The following TECR variants were observed in gnomAD, a reference collection of about 807,000 sequenced individuals.
TECR encodes the protein trans-2,3-enoyl-CoA reductase.
TECR carries 19 observed loss-of-function variants against 50.6 expected under a neutral mutation model. The observed-to-expected ratio is 0.38, with a 90% confidence interval of 0.26 to 0.55. The LOEUF (loss-of-function observed/expected upper bound fraction) is 0.55. TECR is among the 20% of genes least tolerant of loss of function. The pLI, the probability that TECR is intolerant of heterozygous loss-of-function variation, is 0.79. For missense variants in TECR, 313 were observed against 408.3 expected (o/e 0.77, Z 2.01); for synonymous variants, 168 against 163.5 (o/e 1.03, Z -0.21).
chr19:14,540,091 G>T (rs1296750132), intron 1 of TECR, among the ~76,000 whole-genome samples: 3 of 146,430 alleles, frequency 2.0e-5, no homozygotes, highest in African/African-American at 7.6e-5. Context: ...ACGGAGTCTC[G>T]CTCTGTCGCC....
At chr19:14,544,783 C>A (rs1428752683) in intron 1 of TECR, among the ~76,000 whole-genome samples, 1 of 151,964 alleles carries the variant, frequency 6.6e-6, no homozygotes, top group East Asian at 1.9e-4. Context: ...CAGGTGCATG[C>A]CATCACGCCC....
At chr19:14,562,404 G>C in intron 1 of TECR, 121 bp from the exon 2 acceptor site, 2 of 1,057,566 alleles carry the variant, frequency 1.9e-6, no homozygotes, top group Non-Finnish European at 2.9e-6. Context: ...GCATGGACTT[G>C]AACTTGAGCT....
At chr19:14,553,795 G>C (rs1290647158) in intron 1 of TECR, among the ~76,000 whole-genome samples, 1 of 152,160 alleles carries the variant, frequency 6.6e-6, no homozygotes, top group East Asian at 1.9e-4. Flanking sequence ...TGGCTGGACA[G>C]GGAGCTCAGG....
intron 1 of TECR, among the ~76,000 whole-genome samples, chr19:14,538,531 T>C (rs1014015432): frequency 2.2e-5 from 2 of 91,310 alleles, no homozygotes; most frequent in Non-Finnish European, 2.2e-5. Context: ...AAAACTCTTT[T>C]TTTTCTTTTT....
At chr19:14,549,413 A>G (rs1162551015) in intron 1 of TECR, among the ~76,000 whole-genome samples, 1 of 151,844 alleles carries the variant, frequency 6.6e-6, no homozygotes, top group Non-Finnish European at 1.5e-5. Context: ...GGGTTTCACC[A>G]TATTGGCCAG....
chr19:14,537,806 G>A (rs2072957173), intron 1 of TECR, among the ~76,000 whole-genome samples: 1 of 148,178 alleles, frequency 6.7e-6, no homozygotes, highest in South Asian at 2.2e-4. Flanking sequence ...GGGTGCAATG[G>A]CGTGATCTCG....
chr19:14,540,723 T>C (rs1262605863), intron 1 of TECR, among the ~76,000 whole-genome samples: 1 of 152,120 alleles, frequency 6.6e-6, no homozygotes, highest in East Asian at 1.9e-4. Context: ...GAGGCAAGGT[T>C]TCACCATGTT....
At chr19:14,558,070 T>G (rs1360004263) in intron 1 of TECR, among the ~76,000 whole-genome samples, 1 of 152,172 alleles carries the variant, frequency 6.6e-6, no homozygotes, top group Non-Finnish European at 1.5e-5. Context: ...TTATCCTTAA[T>G]AAGATTTATC....
chr19:14,564,895 T>C (rs543945837), intron 8 of TECR, 37 bp downstream of exon 8: 1 of 1,613,916 alleles, frequency 6.2e-7, no homozygotes, highest in African/African-American at 1.3e-5. Flanking sequence ...TCCCCCACGG[T>C]CCCCACCCAG....
At chr19:14,544,241 G>GT (rs1254992219) in intron 1 of TECR, among the ~76,000 whole-genome samples, 2 of 151,820 alleles carry the variant, frequency 1.3e-5, no homozygotes, top group Non-Finnish European at 2.9e-5. Flanking sequence ...GTCACCTCAT[G>GT]TTTGAGTTCT....
chr19:14,537,568 AG>A (rs2072946761), intron 1 of TECR, among the ~76,000 whole-genome samples: 1 of 152,092 alleles, frequency 6.6e-6, no homozygotes, highest in Non-Finnish European at 1.5e-5. Context: ...TGGCTGCGTG[AG>A]AAAGGCCAGA....
At chr19:14,545,263 C>G (rs189032961) in intron 1 of TECR, 1 of 453,692 alleles carries the variant, frequency 2.2e-6, no homozygotes, top group African/African-American at 2.0e-5. Context: ...TTCCAGCCTC[C>G]GGGTGTCACC....
chr19:14,560,382 T>C (rs2073867810), intron 1 of TECR, among the ~76,000 whole-genome samples: 1 of 152,178 alleles, frequency 6.6e-6, no homozygotes, highest in Non-Finnish European at 1.5e-5. Flanking sequence ...CTTGGAAGCA[T>C]GTGGGCACTG....
At chr19:14,541,892 C>T (rs2073107793) in intron 1 of TECR, among the ~76,000 whole-genome samples, 1 of 151,824 alleles carries the variant, frequency 6.6e-6, no homozygotes, top group South Asian at 2.1e-4. Context: ...AAGCGATTCT[C>T]CTGCCTCAGC....
intron 1 of TECR, among the ~76,000 whole-genome samples, chr19:14,547,560 C>T (rs992499266): frequency 6.6e-6 from 1 of 152,212 alleles, no homozygotes; most frequent in African/African-American, 2.4e-5. Flanking sequence ...TGAGTTTTCA[C>T]CATGTTAGCT....
At chr19:14,560,439 A>G (rs2073868939) in intron 1 of TECR, among the ~76,000 whole-genome samples, 1 of 152,182 alleles carries the variant, frequency 6.6e-6, no homozygotes, top group East Asian at 1.9e-4. Flanking sequence ...GCCACAGGGC[A>G]GGCCCCGTGC....
chr19:14,530,779 A>G (rs2072613683), intron 1 of TECR: 2 of 152,236 alleles, frequency 1.3e-5, no homozygotes, highest in African/African-American at 4.8e-5. Context: ...AAATTCTGGC[A>G]AAATACACAT....
Position 14,563,680 on chromosome 19 carries a change from C to T in TECR, c.141C>T (p.Arg47=). The T allele has an allele frequency of 6.2e-7, 1 of 1,612,756 alleles. No individual in the cohort carries two copies. Among genetic ancestry groups the T allele is most frequent in the Non-Finnish European group, 8.5e-7 (1 of 1,179,860 alleles). The change falls in exon 4 of 13, where the codon CGC becomes CGT. Residue 47 remains arginine (R), a synonymous_variant. Coordinates refer to ENST00000215567, the MANE Select transcript of TECR (RefSeq NM_138501.6). This position sits in a 1 kb window ranked among gnomAD's most constrained non-coding sequence, Gnocchi z 5.3. ...CAGATCCGCAGTGGTACCCCGCCCG[C>T]CAGTCCCTCCGCCTGGACCCCAGTG... is the stretch of plus-strand genomic sequence containing the variant. ...TKTHPQWYPA[R]QSLRLDPKGK...
intron 1 of TECR, chr19:14,530,395 C>T (rs1422974383): frequency 1.3e-5 from 2 of 152,780 alleles, no homozygotes; most frequent in South Asian, 4.0e-4. Context: ...ATGTGCTTAT[C>T]GCCCTAGGTG....
Sources: allele counts gnomAD v4.1 joint callset (sites outside exome capture counted in the v4.1 genomes callset), GRCh38; gene constraint gnomAD v4.1.1; non-coding constraint Gnocchi (gnomAD v3.1); transcripts MANE v1.5; gene names NCBI Gene and HGNC (gene_info 2026-07-23, HGNC 2026-07-21).